CAMKMT: variants seen among roughly 807,000 people sequenced by gnomAD.
CAMKMT encodes CaM KMT.
CAMKMT carries 53 observed loss-of-function variants against 48.0 expected under a neutral mutation model. The observed-to-expected ratio is 1.10, with a 90% CI of 0.89 to 1.39. CAMKMT has a LOEUF of 1.39. Ranked by LOEUF, CAMKMT falls within the 40% of genes most tolerant of loss-of-function variation. The pLI, the probability that CAMKMT is intolerant of heterozygous loss-of-function variation, is 0.00. For missense variants in CAMKMT, 428 were observed against 402.7 expected (o/e 1.06, Z -0.54); for synonymous variants, 165 against 152.3 (o/e 1.08, Z -0.61).
chr2:44,521,555 A>C (rs1319119867), intron 3 of CAMKMT, among the ~76,000 whole-genome samples: 3 of 152,230 alleles, frequency 2.0e-5, no homozygotes, highest in African/African-American at 7.2e-5. Context: ...CTGGGATTAC[A>C]GGCCTGAGCC....
chr2:44,611,920 C>G (rs530636917), intron 3 of CAMKMT, among the ~76,000 whole-genome samples: 1 of 152,144 alleles, frequency 6.6e-6, no homozygotes, highest in Admixed American at 6.5e-5. Flanking sequence ...TCACTTATCA[C>G]CAAAGAGATG....
rs567909557 is a variant in CAMKMT, at chr2:44,625,261, T to C, written c.377-79022T>C. On this transcript the variant is annotated intron_variant, in intron 3 of 10. Transcript: ENST00000378494. ...CCTAATGATTGCTGATGTTGAATTT[T>C]TTTCATGTGTTTATTGACCATTTGT... is the stretch of plus-strand genomic sequence containing the variant. 5.3e-5 allele frequency among the ~76,000 whole-genome samples: 8 copies of C among 152,340 alleles called. No individual in the cohort carries two copies. In the South Asian group the frequency reaches 1.7e-3, roughly 32 times the overall value.
At chr2:44,555,152 G>A (rs1667939587) in intron 3 of CAMKMT, among the ~76,000 whole-genome samples, 1 of 152,128 alleles carries the variant, frequency 6.6e-6, no homozygotes, top group South Asian at 2.1e-4. Context: ...TGAAAACATG[G>A]CAATAATTTA....
At chr2:44,755,528 T>A (rs1680334719) in intron 9 of CAMKMT, among the ~76,000 whole-genome samples, 1 of 152,132 alleles carries the variant, frequency 6.6e-6, no homozygotes, top group African/African-American at 2.4e-5. Context: ...ACTGTACAAA[T>A]AGTACTTCAC....
chr2:44,705,647 A>G (rs527883844), intron 4 of CAMKMT: 3 of 451,862 alleles, frequency 6.6e-6, no homozygotes, highest in Non-Finnish European at 8.8e-6. Flanking sequence ...TGCTGGCTTA[A>G]CCATATTATG....
At chr2:44,404,395 G>A (rs899062152) in intron 3 of CAMKMT, among the ~76,000 whole-genome samples, 15 of 151,950 alleles carry the variant, frequency 9.9e-5, no homozygotes, top group East Asian at 5.8e-4. Context: ...GGTGTTACTC[G>A]TCTTTTAAAA....
chr2:44,394,973 A>G, intron 3 of CAMKMT: 1 of 453,604 alleles, frequency 2.2e-6, no homozygotes, highest in East Asian at 7.0e-5. Flanking sequence ...AGCCTGGGCA[A>G]TATAGCAAGA....
intron 3 of CAMKMT, among the ~76,000 whole-genome samples, chr2:44,691,105 G>A (rs1182962036): frequency 6.6e-6 from 1 of 152,188 alleles, no homozygotes; most frequent in Non-Finnish European, 1.5e-5. Flanking sequence ...TAAGGAATCG[G>A]GGAAGGAGAA....
chr2:44,370,478 A>G (rs1238500806), intron 1 of CAMKMT, among the ~76,000 whole-genome samples: 1 of 152,010 alleles, frequency 6.6e-6, no homozygotes, highest in African/African-American at 2.4e-5. Flanking sequence ...CTTTATTATT[A>G]TTTTTTAATG....
chr2:44,511,038 A>C (rs187288005), intron 3 of CAMKMT, among the ~76,000 whole-genome samples: 1 of 151,984 alleles, frequency 6.6e-6, no homozygotes, highest in Non-Finnish European at 1.5e-5. Context: ...ACGGGGTTTC[A>C]CCATATTGGC....
At chr2:44,390,419 G>A (rs1681220532) in intron 3 of CAMKMT, 114 bp downstream of exon 3, 3 of 610,576 alleles carry the variant, frequency 4.9e-6, no homozygotes, top group Admixed American at 3.7e-5. Flanking sequence ...ATGCATATAT[G>A]TATATATAAT....
chr2:44,689,228 C>T (rs515806), intron 3 of CAMKMT, among the ~76,000 whole-genome samples: 19,142 of 151,898 alleles, frequency 0.13, 1,310 homozygotes, highest in South Asian at 0.17. Flanking sequence ...CATTGCTGCT[C>T]TTACGTGCCT....
At chr2:44,375,944 C>T (rs1410080618) in intron 2 of CAMKMT, among the ~76,000 whole-genome samples, 1 of 152,060 alleles carries the variant, frequency 6.6e-6, no homozygotes, top group African/African-American at 2.4e-5. Flanking sequence ...TGCCATCACA[C>T]CTGGCTAATT....
chr2:44,532,754 G>A (rs1197578056), intron 3 of CAMKMT, among the ~76,000 whole-genome samples: 1 of 151,958 alleles, frequency 6.6e-6, no homozygotes, highest in East Asian at 1.9e-4. Context: ...AATTTATGAG[G>A]ACTTCATAAG....
intron 3 of CAMKMT, among the ~76,000 whole-genome samples, chr2:44,398,385 G>GGA (rs1205859070): frequency 6.6e-6 from 1 of 152,142 alleles, no homozygotes; most frequent in Non-Finnish European, 1.5e-5. Flanking sequence ...GTGTCTCAGA[G>GGA]GAGACTGATT....
chr2:44,644,603 G>A (rs961191798), intron 3 of CAMKMT, among the ~76,000 whole-genome samples: 2 of 152,146 alleles, frequency 1.3e-5, no homozygotes, highest in African/African-American at 4.8e-5. Context: ...TGAATTTGCT[G>A]TTTTATTTCG....
chr2:44,650,864 CAG>C (rs1674019621), intron 3 of CAMKMT, among the ~76,000 whole-genome samples: 1 of 144,914 alleles, frequency 6.9e-6, no homozygotes, highest in Non-Finnish European at 1.5e-5. Context: ...AAAAAAAAAA[CAG>C]TGGGAAATGA....
At chr2:44,382,601 C>T (rs1184425370) in intron 2 of CAMKMT, among the ~76,000 whole-genome samples, 1 of 151,884 alleles carries the variant, frequency 6.6e-6, no homozygotes, top group Non-Finnish European at 1.5e-5. Context: ...GCCTCAGCTT[C>T]CTGAGTAGCT....
intron 3 of CAMKMT, among the ~76,000 whole-genome samples, chr2:44,639,392 A>G (rs959808924): frequency 2.6e-5 from 4 of 152,216 alleles, no homozygotes; most frequent in Admixed American, 6.5e-5. Context: ...AGCAGTTAAG[A>G]GCACAGATGC....
Sources: gnomAD v4.1 joint callset for allele counts (sites outside exome capture counted in the v4.1 genomes callset) on GRCh38, gnomAD v4.1.1 for gene constraint, MANE v1.5 for transcripts, NCBI Gene and HGNC (gene_info 2026-07-23, HGNC 2026-07-21) for gene names.